The following AMZ1 variants were observed in gnomAD, a reference collection of about 807,000 sequenced individuals.
The protein encoded by AMZ1 is archaelysin family metallopeptidase 1, also known as archaemetzincin-1.
In AMZ1, 39 loss-of-function variants were observed where a neutral mutation model predicts 29.9. That is an observed-to-expected ratio of 1.30 (90% CI 1.01 to 1.70). The LOEUF (loss-of-function observed/expected upper bound fraction) is 1.70. Ranked by LOEUF, AMZ1 falls within the 40% of genes most tolerant of loss-of-function variation. The pLI is 0.00. For missense variants in AMZ1, 1,041 were observed against 680.6 expected (o/e 1.53, Z -5.89); for synonymous variants, 458 against 304.0 (o/e 1.51, Z -5.27).
intron 4 of AMZ1, among the ~76,000 whole-genome samples, chr7:2,741,165 T>G (rs572097286): frequency 1.8e-4 from 28 of 152,350 alleles, no homozygotes; most frequent in African/African-American, 6.7e-4. Context: ...TTTTACAGTA[T>G]GTTTTAAGGT....
intron 4 of AMZ1, among the ~76,000 whole-genome samples, chr7:2,756,378 T>C (rs1791295318): frequency 6.6e-6 from 1 of 152,198 alleles, no homozygotes; most frequent in African/African-American, 2.4e-5. Flanking sequence ...GGATGTCAGG[T>C]ATGGTGGCTC....
rs1789180263 is a variant in AMZ1, at chr7:2,717,226, T to A, written c.*4348T>A. ...TTGCTGGGGCTTCACTGATTTGTTT[T>A]GTTTATAAAAGGAGGGCGAGGCCTG... is the stretch of plus-strand genomic sequence containing the variant. On this transcript the variant is annotated 3_prime_UTR_variant, in exon 7 of 7. Transcript: ENST00000683327. Among the ~76,000 whole-genome samples, 1 of 152,172 alleles carries A rather than the reference T, an allele frequency of 6.6e-6. No individual in the cohort carries two copies. Among genetic ancestry groups the A allele is most frequent in the Non-Finnish European group, 1.5e-5 (1 of 68,036 alleles).
At chr7:2,693,746 A>G (rs1195304185) in intron 1 of AMZ1, among the ~76,000 whole-genome samples, 3 of 152,028 alleles carry the variant, frequency 2.0e-5, no homozygotes, top group Admixed American at 1.3e-4. Context: ...TAGTAGAGAC[A>G]GGGTTTCACC....
intron 3 of AMZ1, among the ~76,000 whole-genome samples, chr7:2,706,208 C>A (rs919662248): frequency 2.0e-5 from 3 of 152,204 alleles, no homozygotes; most frequent in Non-Finnish European, 2.9e-5. Flanking sequence ...TGGGGTCTTG[C>A]TTTGTGACCC....
chr7:2,694,293 T>A (rs1787576053), intron 1 of AMZ1, among the ~76,000 whole-genome samples: 1 of 152,212 alleles, frequency 6.6e-6, no homozygotes, highest in Admixed American at 6.5e-5. Flanking sequence ...TGTCATCCTC[T>A]CTTGCCCCGG....
rs561774686 is a variant in AMZ1 at position 2,690,891 on chromosome 7, A to G, written c.-219+2595A>G. 2.4e-3 allele frequency among the ~76,000 whole-genome samples: 363 copies of G among 152,218 alleles called. 2 individuals carry two copies. The highest frequency in any genetic ancestry group is 2.0e-3 in the Non-Finnish European group (135 of 68,006). ...TGTGGTGGCTCACCTCTGAAATCCC[A>G]GTGCTTTGGGAGGCCGAGGCAGGCA... On this transcript the variant is annotated intron_variant, in intron 1 of 6. Transcript: ENST00000683327.
intron 4 of AMZ1, among the ~76,000 whole-genome samples, chr7:2,754,497 C>G (rs1791195442): frequency 6.6e-6 from 1 of 151,866 alleles, no homozygotes. Context: ...AATCCCAGCA[C>G]TTTGGGAGGC....
chr7:2,719,970 C>T (rs560389608), downstream of AMZ1, among the ~76,000 whole-genome samples: 3 of 152,310 alleles, frequency 2.0e-5, no homozygotes, highest in Admixed American at 1.3e-4. Flanking sequence ...CGTCAGCCAC[C>T]GTGCCCAGCC....
At chr7:2,709,328 A>G in intron 5 of AMZ1, 84 bp downstream of exon 5, 1 of 1,343,376 alleles carries the variant, frequency 7.4e-7, no homozygotes, top group Non-Finnish European at 9.8e-7. Flanking sequence ...ACACTGCCCC[A>G]TCCTCACAGT....
At position 2,712,637 on chromosome 7, in the gene AMZ1, A is replaced by C. The variant is rs1309884783; in HGVS notation, c.1256A>C (p.Gln419Pro). 1 of 1,613,094 alleles carries C rather than the reference A, an allele frequency of 6.2e-7. No individual in the cohort carries two copies. The change falls in exon 7 of 7, where the codon CAG (glutamine) becomes CCG (proline). Residue 419 changes from glutamine (Q) to proline (P), a missense_variant. Coordinates refer to ENST00000683327, the MANE Select transcript of AMZ1 (RefSeq NM_001384743.1). ...CTGGCCATGTGCATCCAGGCCCTGC[A>C]GCGGGAAGTGGCAGAGGAGGACCTG... ...RWLAMCIQALQREVAEEDLVQ... is the reference protein window; with the variant it reads ...RWLAMCIQALPREVAEEDLVQ...
chr7:2,709,295 AG>A, intron 5 of AMZ1, 51 bp downstream of exon 5: 1 of 1,452,144 alleles, frequency 6.9e-7, no homozygotes, highest in South Asian at 1.5e-5. Flanking sequence ...GTGCTGTCTG[AG>A]CCCTTGGTGC....
chr7:2,696,013 G>GGA (rs1554246491), intron 1 of AMZ1, among the ~76,000 whole-genome samples: 1 of 107,148 alleles, frequency 9.3e-6, no homozygotes, highest in African/African-American at 3.0e-5. Flanking sequence ...TCTTGGGGGG[G>GGA]AAAAAAAAAA....
At chr7:2,702,510 C>A (rs960775271) in intron 2 of AMZ1, 3 of 592,290 alleles carry the variant, frequency 5.1e-6, no homozygotes, top group Non-Finnish European at 8.8e-6. Flanking sequence ...TTCATCTGTG[C>A]ATGAATCTTT....
At chr7:2,692,333 G>T (rs1476790076) in intron 1 of AMZ1, among the ~76,000 whole-genome samples, 2 of 152,142 alleles carry the variant, frequency 1.3e-5, no homozygotes, top group Non-Finnish European at 2.9e-5. Context: ...GAGGTCAGGA[G>T]ATCGAGACCA....
chr7:2,747,238 T>C (rs1166582107), intron 4 of AMZ1, among the ~76,000 whole-genome samples: 1 of 152,198 alleles, frequency 6.6e-6, no homozygotes, highest in Non-Finnish European at 1.5e-5. Flanking sequence ...TTTAGACCAA[T>C]ATCCTTGATG....
At chr7:2,721,102 G>T (rs180936430), downstream of AMZ1, among the ~76,000 whole-genome samples, 3 of 152,198 alleles carry the variant, frequency 2.0e-5, no homozygotes, top group African/African-American at 7.2e-5. Context: ...CAAAACGACC[G>T]ACTCTATTGA....
At chr7:2,690,086 A>C (rs1787295572) in intron 1 of AMZ1, among the ~76,000 whole-genome samples, 1 of 152,152 alleles carries the variant, frequency 6.6e-6, no homozygotes, top group Non-Finnish European at 1.5e-5. Context: ...CATGCCCTGG[A>C]TGCCCGAGAG....
chr7:2,692,403 G>A (rs1047320380), intron 1 of AMZ1, among the ~76,000 whole-genome samples: 2 of 152,194 alleles, frequency 1.3e-5, no homozygotes, highest in Admixed American at 6.5e-5. Context: ...TTAGCCGGGT[G>A]TGGTGGCGGG....
rs776768133 is a variant in AMZ1, at chr7:2,709,121, G to A, written c.648G>A (p.Lys216=). ...CCCGGTTCTCAGGGGAATTCCCGAA[G>A]TCGGGGCCCAGCGCCCCTGATCTGG... ...SFARFSGEFP[K]SGPSAPDLAL... Residue 216 remains lysine (K), a synonymous_variant, in exon 5 of 7, where the codon AAG becomes AAA. Coordinates refer to ENST00000683327, the MANE Select transcript of AMZ1 (RefSeq NM_001384743.1). 1.8e-5 allele frequency: 29 copies of A among 1,601,034 alleles called. No individual in the cohort carries two copies. The South Asian group carries it at 2.9e-4, about 16-fold the overall frequency.
Sources: allele counts gnomAD v4.1 joint callset (sites outside exome capture counted in the v4.1 genomes callset), GRCh38; gene constraint gnomAD v4.1.1; transcripts MANE v1.5; gene names NCBI Gene and HGNC (gene_info 2026-07-23, HGNC 2026-07-21).